The following ST6GALNAC2 variants were observed in gnomAD, a reference collection of about 807,000 sequenced individuals.
ST6GALNAC2 encodes the protein alpha-N-acetylgalactosaminide alpha-2,6-sialyltransferase 2.
A neutral mutation model predicts 38.7 loss-of-function variants in ST6GALNAC2; 42 were observed. The ratio of observed to expected loss-of-function variants is 1.09; its 90% CI spans 0.85 to 1.40. The LOEUF (loss-of-function observed/expected upper bound fraction) is 1.40, where lower values mean the gene tolerates loss of function less well. Among genes scored for constraint, ST6GALNAC2 ranks in the 40% most tolerant of loss-of-function variants. The probability of loss-of-function intolerance (pLI) is 0.00; values close to 1 mark genes in which losing one functional copy is unlikely to be tolerated. For synonymous variants in ST6GALNAC2, 233 were observed against 209.0 expected (o/e 1.11, Z -0.99); for missense variants, 506 against 481.7 (o/e 1.05, Z -0.47).
chr17:76,576,273 G>C (rs183123416), intron 2 of ST6GALNAC2, among the ~76,000 whole-genome samples: 1 of 152,154 alleles, frequency 6.6e-6, no homozygotes, highest in East Asian at 1.9e-4. Context: ...ATAGCAAAAC[G>C]AAAAACCACG....
intron 1 of ST6GALNAC2, among the ~76,000 whole-genome samples, chr17:76,583,219 A>G: frequency 6.6e-6 from 1 of 151,936 alleles, no homozygotes; most frequent in Non-Finnish European, 1.5e-5. Context: ...ACTAAAACAT[A>G]CAAAAAATCA....
chr17:76,585,746 C>T lies in ST6GALNAC2; in HGVS notation c.63G>A (p.Gly21=), dbSNP rs1477735454. The T allele has an allele frequency of 6.5e-7, 1 of 1,548,794 alleles. No individual in the cohort carries two copies. Among genetic ancestry groups the T allele is most frequent in the South Asian group, 1.2e-5 (1 of 84,178 alleles). ...CCGAGAAGTACAGGGCAAAGAGGAG[C>T]CCCGAGCAGGCAGCCGTGAGCAGGA... The part of the protein sequence containing the change: ...LLLLLTAACS[G]LLFALYFSAV... Residue 21 remains glycine (G), a synonymous_variant, in exon 1 of 9, where the codon GGG becomes GGA. Transcript: ENST00000225276.
At chr17:76,575,303 G>C (rs1368910875) in intron 2 of ST6GALNAC2, among the ~76,000 whole-genome samples, 1 of 151,086 alleles carries the variant, frequency 6.6e-6, no homozygotes, top group Non-Finnish European at 1.5e-5. Context: ...CTTTCCAGTG[G>C]TGCCTTTAGG....
At chr17:76,580,636 C>T (rs568332805) in intron 1 of ST6GALNAC2, among the ~76,000 whole-genome samples, 68 of 151,820 alleles carry the variant, frequency 4.5e-4, no homozygotes, top group African/African-American at 1.6e-3. Flanking sequence ...AGGAGAATGG[C>T]GTGAACCTGG....
At chr17:76,584,595 G>T (rs141564963) in intron 1 of ST6GALNAC2, among the ~76,000 whole-genome samples, 2 of 152,006 alleles carry the variant, frequency 1.3e-5, no homozygotes, top group Admixed American at 6.6e-5. Context: ...TCCCACCTCC[G>T]CCTCCCAGAG....
chr17:76,569,238 A>G (rs2075324242), intron 6 of ST6GALNAC2: 2 of 278,592 alleles, frequency 7.2e-6, no homozygotes, highest in East Asian at 1.1e-4. Flanking sequence ...AGCGGGGCAC[A>G]TAGGGGGTGA....
At chr17:76,568,191 C>T (rs371500882) in intron 7 of ST6GALNAC2, 1 of 161,856 alleles carries the variant, frequency 6.2e-6, no homozygotes, top group Non-Finnish European at 1.4e-5. Flanking sequence ...GGGCCAGGTG[C>T]TTCTTGTGAT....
In ST6GALNAC2 at chr17:76,566,835, A is replaced by G. The variant is rs930852291; in HGVS notation, c.958-564T>C. Among the ~76,000 whole-genome samples the G allele has an allele frequency of 3.9e-5, 6 of 152,240 alleles. No homozygotes were observed. The East Asian group carries it at 1.2e-3, about 29-fold the overall frequency. ...GGTGACAGAGTTGAGACCCTGTCTC[A>G]AAAAAGAGGGAAAAGATTTAGGTGT... On this transcript the variant is annotated intron_variant, in intron 8 of 8. Coordinates refer to ENST00000225276, the MANE Select transcript of ST6GALNAC2 (RefSeq NM_006456.3).
Position 76,573,142 on chromosome 17 carries a change from C to T in ST6GALNAC2, c.530+53G>A. ...CCACTGCCCCTGGGGGAGACACCCCCACCCTCCAGGCAACTCTCCCTCCCG... is the reference window on the plus strand; with the variant it reads ...CCACTGCCCCTGGGGGAGACACCCCTACCCTCCAGGCAACTCTCCCTCCCG... On this transcript the variant is annotated intron_variant, in intron 4 of 8. Transcript: ENST00000225276. The surrounding 1 kb of genome is among the most constrained non-coding windows in gnomAD (Gnocchi z 5.1). 3 of 1,534,436 alleles carry T rather than the reference C, an allele frequency of 2.0e-6. No homozygotes were observed. Among genetic ancestry groups the T allele is most frequent in the South Asian group, 2.5e-5 (2 of 80,532 alleles).
chr17:76,584,267 A>G (rs539530272), intron 1 of ST6GALNAC2, among the ~76,000 whole-genome samples: 4 of 145,770 alleles, frequency 2.7e-5, no homozygotes, highest in African/African-American at 1.0e-4. Flanking sequence ...ATCACAGCTC[A>G]CTGCAGCCTC....
intron 1 of ST6GALNAC2, among the ~76,000 whole-genome samples, chr17:76,581,534 G>A (rs186644390): frequency 5.9e-5 from 9 of 152,164 alleles, no homozygotes; most frequent in Non-Finnish European, 1.0e-4. Flanking sequence ...TGAGACGGGT[G>A]GGGGACAGGG....
rs1029231235 is a variant in ST6GALNAC2 at position 76,565,785 on chromosome 17, T to C, written c.*319A>G. 2 of 247,564 alleles carry C rather than the reference T, an allele frequency of 8.1e-6. No individual in the cohort carries two copies. Among genetic ancestry groups the C allele is most frequent in the East Asian group, 1.9e-4 (2 of 10,332 alleles). 15.3% of individuals were successfully genotyped at this position (247,564 alleles called of 1,614,324 possible). On this transcript the variant is annotated 3_prime_UTR_variant, in exon 9 of 9. Coordinates refer to ENST00000225276, the MANE Select transcript of ST6GALNAC2 (RefSeq NM_006456.3). The stretch of plus-strand genomic sequence containing the variant: ...GGGCTGGAGCGTGTGTGTTTGCCTT[T>C]GACCTGGACTGCTGTCTGATCTTGC...
At chr17:76,571,668 G>A (rs748303021) in intron 5 of ST6GALNAC2, among the ~76,000 whole-genome samples, 2 of 152,240 alleles carry the variant, frequency 1.3e-5, no homozygotes, top group Admixed American at 6.5e-5. Flanking sequence ...TGAGGACTCA[G>A]TGTGGCATAG....
chr17:76,575,213 A>T (rs528492766), intron 2 of ST6GALNAC2, among the ~76,000 whole-genome samples: 2 of 152,260 alleles, frequency 1.3e-5, no homozygotes, highest in South Asian at 2.1e-4. Context: ...GTCACCCTGG[A>T]TGCAAAACCC....
rs1041558458 is a variant in ST6GALNAC2, at chr17:76,578,916, G to A, written c.126-100C>T. On this transcript the variant is annotated intron_variant, in intron 1 of 8. Transcript: ENST00000225276. Reference sequence around the variant, plus strand: ...CCCCTTAGCTCTAGGGGCGGACAAAGTCTGTCTGTGCCCATCGTGGTGGCT... The same window carrying A: ...CCCCTTAGCTCTAGGGGCGGACAAAATCTGTCTGTGCCCATCGTGGTGGCT... 1.6e-5 allele frequency: 16 copies of A among 995,868 alleles called. No homozygotes were observed. The Admixed American group carries it at 3.3e-4, about 20-fold the overall frequency. The allele number at this position is 995,868 out of a possible 1,614,324, so 61.7% of individuals were successfully genotyped here.
chr17:76,584,779 C>T (rs1490416689), intron 1 of ST6GALNAC2, among the ~76,000 whole-genome samples: 2 of 152,322 alleles, frequency 1.3e-5, no homozygotes, highest in South Asian at 2.1e-4. Flanking sequence ...CGTTAGCCCC[C>T]CAGCAAGGTT....
chr17:76,575,205 C>T (rs9900467), intron 2 of ST6GALNAC2, among the ~76,000 whole-genome samples: 91,204 of 152,024 alleles, frequency 0.6, 28,244 homozygotes, highest in East Asian at 0.83. Flanking sequence ...CTGAGGCTGT[C>T]ACCCTGGATG....
chr17:76,583,100 G>C (rs998635429), intron 1 of ST6GALNAC2, among the ~76,000 whole-genome samples: 4 of 152,156 alleles, frequency 2.6e-5, no homozygotes, highest in African/African-American at 9.7e-5. Context: ...TCGGGGCTGG[G>C]CGCGGTGGCT....
Position 76,573,162 on chromosome 17 carries a change from C to T in ST6GALNAC2, c.530+33G>A. ...ACCCCCACCCTCCAGGCAACTCTCC[C>T]TCCCGCCCCTCCCCAGCTCCTACCC... is the stretch of plus-strand genomic sequence containing the variant. On this transcript the variant is annotated intron_variant, in intron 4 of 8. Transcript: ENST00000225276. This position sits in a 1 kb window ranked among gnomAD's most constrained non-coding sequence, Gnocchi z 5.1. The T allele has an allele frequency of 6.4e-7, 1 of 1,561,200 alleles. No individual in the cohort carries two copies. Among genetic ancestry groups the T allele is most frequent in the South Asian group, 1.2e-5 (1 of 85,094 alleles).
Sources: allele counts gnomAD v4.1 joint callset (sites outside exome capture counted in the v4.1 genomes callset), GRCh38; gene constraint gnomAD v4.1.1; non-coding constraint Gnocchi (gnomAD v3.1); transcripts MANE v1.5; gene names NCBI Gene and HGNC (gene_info 2026-07-23, HGNC 2026-07-21).